ZNF254: variants seen among roughly 807,000 people sequenced by gnomAD.
ZNF254 encodes zinc finger protein 254.
Under a neutral mutation model 12.4 loss-of-function variants are expected in ZNF254, and 10 were observed. The ratio of observed to expected loss-of-function variants is 0.80; its 90% CI spans 0.50 to 1.36. The LOEUF is 1.36. Among genes scored for constraint, ZNF254 ranks in the 40% most tolerant of loss-of-function variants. The pLI is 0.00. For synonymous variants in ZNF254, 305 were observed against 253.4 expected (o/e 1.20, Z -1.93); for missense variants, 996 against 763.9 (o/e 1.30, Z -3.58).
chr19:24,082,775 C>T (rs1296479388), upstream of ZNF254, among the ~76,000 whole-genome samples: 1 of 151,652 alleles, frequency 6.6e-6, no homozygotes, highest in Non-Finnish European at 1.5e-5. Flanking sequence ...AGCTGTGTCA[C>T]AGGCCATTGT....
intron 1 of ZNF254, among the ~76,000 whole-genome samples, chr19:24,043,600 A>G (rs147692156): frequency 2.3e-3 from 352 of 152,298 alleles, no homozygotes; most frequent in African/African-American, 8.2e-3. Flanking sequence ...TTCAGTAACA[A>G]TAGCTCTTAA....
chr19:24,107,161 T>G, intron 3 of ZNF254: 1 of 596,688 alleles, frequency 1.7e-6, no homozygotes, highest in South Asian at 2.0e-5. Flanking sequence ...TTGTTCTTTT[T>G]CCTCAAGATT....
In ZNF254 at chr19:24,126,846, T is replaced by C. The variant is rs1454947189; in HGVS notation, c.846T>C (p.Thr282=). 6 of 1,613,216 alleles carry C rather than the reference T, an allele frequency of 3.7e-6. No individual in the cohort carries two copies. The highest frequency in any genetic ancestry group is 5.1e-6 in the Non-Finnish European group (6 of 1,179,722). The change falls in exon 4 of 4, where the codon ACT becomes ACC. Residue 282 remains threonine, a synonymous_variant. Coordinates refer to ENST00000357002, the MANE Select transcript of ZNF254 (RefSeq NM_203282.4). ...CTTTTAATCGATCCTCAAATCTTAC[T>C]ACACATAAGATAATTCATACTGGAG... ...GEAFNRSSNL[T]THKIIHTGEK...
intron 2 of ZNF254, among the ~76,000 whole-genome samples, chr19:24,072,242 G>A (rs1186170808): frequency 6.6e-6 from 1 of 151,604 alleles, no homozygotes; most frequent in Non-Finnish European, 1.5e-5. Flanking sequence ...CATGATCTCG[G>A]CTCACTGCAA....
At chr19:24,046,365 A>G (rs1970380472) in intron 2 of ZNF254, 3 of 114,654 alleles carry the variant, frequency 2.6e-5, no homozygotes, top group Non-Finnish European at 5.5e-5. Flanking sequence ...CCATTATTTT[A>G]TTATTTTTTA....
In ZNF254 at chr19:24,129,589, T is replaced by A. The variant is rs886706137; in HGVS notation, c.*1609T>A. 12 of 152,034 alleles carry A rather than the reference T, an allele frequency of 7.9e-5. No individual in the cohort carries two copies. Among genetic ancestry groups the A allele is most frequent in the African/African-American group, 2.7e-4 (11 of 41,442 alleles). The allele number at this position is 152,034 out of a possible 1,614,324, so 9.4% of individuals were successfully genotyped here. On this transcript the variant is annotated 3_prime_UTR_variant, in exon 4 of 4. Coordinates refer to ENST00000357002, the MANE Select transcript of ZNF254 (RefSeq NM_203282.4). ...TCTTAATTTTTGTGGATACATAATATGTGTATATATGTATGCCATATATGG... is the reference window on the plus strand; with the variant it reads ...TCTTAATTTTTGTGGATACATAATAAGTGTATATATGTATGCCATATATGG...
Position 24,052,616 on chromosome 19 carries a change from G to A in ZNF254, c.-94+6337G>A, listed in dbSNP as rs140157708. ...TCACTGGGCCTAGCATCCAGGTGAT[G>A]TGACTCTGCTGACTATATTCTGCTT... On this transcript the variant is annotated intron_variant, in intron 2 of 4. Coordinates refer to the ZNF254 transcript ENST00000613065. 2.0e-3 allele frequency among the ~76,000 whole-genome samples: 307 copies of A among 152,318 alleles called. 1 individual carries two copies. Among genetic ancestry groups the A allele is most frequent in the African/African-American group, 7.2e-3 (298 of 41,574 alleles).
chr19:24,092,191 G>A (rs914327947), intron 1 of ZNF254, among the ~76,000 whole-genome samples: 2 of 143,560 alleles, frequency 1.4e-5, no homozygotes, highest in African/African-American at 5.2e-5. Context: ...TTTTTAAATG[G>A]AATTTTGATG....
intron 2 of ZNF254, chr19:24,066,728 CAAAACAA>C (rs1971286992): frequency 1.1e-5 from 1 of 94,052 alleles, no homozygotes; most frequent in South Asian, 3.8e-4. Flanking sequence ...CAAAACAAAA[CAAAACAA>C]ATAAAACCAC....
intron 1 of ZNF254, among the ~76,000 whole-genome samples, chr19:24,044,608 T>A (rs1970308987): frequency 6.6e-6 from 1 of 152,190 alleles, no homozygotes; most frequent in African/African-American, 2.4e-5. Flanking sequence ...GATTCGTGTT[T>A]ATATTTTGTT....
chr19:24,128,342 A>G lies in ZNF254; in HGVS notation c.*362A>G, dbSNP rs1975040373. On this transcript the variant is annotated 3_prime_UTR_variant, in exon 4 of 4. Transcript: ENST00000357002. ...TTAACACCTGCTCACATCTTACTCA[A>G]AATTGTAGAGTTCATAGTAAATAAA... 1 of 188,018 alleles carries G rather than the reference A, an allele frequency of 5.3e-6. No individual in the cohort carries two copies. The highest frequency in any genetic ancestry group is 1.1e-5 in the Non-Finnish European group (1 of 92,720). The allele number at this position is 188,018 out of a possible 1,614,324, so 11.6% of individuals were successfully genotyped here. A position where few individuals can be genotyped will look rare whatever the true frequency, so the allele number is the denominator to read the frequency against.
intron 2 of ZNF254, among the ~76,000 whole-genome samples, chr19:24,057,155 T>G (rs1970889143): frequency 6.6e-6 from 1 of 152,232 alleles, no homozygotes; most frequent in South Asian, 2.1e-4. Context: ...CAGAGTGTCA[T>G]AACGGCTCTA....
intron 2 of ZNF254, among the ~76,000 whole-genome samples, chr19:24,074,623 T>C (rs1971595646): frequency 6.6e-6 from 1 of 152,200 alleles, no homozygotes. Context: ...GGGATTATTG[T>C]GGCATATCTC....
intron 1 of ZNF254, among the ~76,000 whole-genome samples, chr19:24,088,660 A>C (rs1009267168): frequency 5.9e-5 from 9 of 151,744 alleles, no homozygotes; most frequent in Non-Finnish European, 1.2e-4. Context: ...TATTTATTTT[A>C]ATTTTTGAGA....
At chr19:24,042,298 C>T (rs552437555) in intron 1 of ZNF254, among the ~76,000 whole-genome samples, 1 of 152,270 alleles carries the variant, frequency 6.6e-6, no homozygotes, top group African/African-American at 2.4e-5. Context: ...AGCGCCCTGA[C>T]AAAACAGGCC....
At chr19:24,105,375 A>G (rs957231762) in intron 1 of ZNF254, 25 of 236,200 alleles carry the variant, frequency 1.1e-4, no homozygotes, top group African/African-American at 5.7e-4. Flanking sequence ...AACAAAAAAC[A>G]AAAACAACAG....
In ZNF254 at chr19:24,112,352, G is replaced by A. The variant is rs1184293995; in HGVS notation, c.253+5709G>A. Among the ~76,000 whole-genome samples the A allele has an allele frequency of 2.1e-5, 3 of 142,842 alleles. No homozygotes were observed. The East Asian group carries it at 5.9e-4, about 28-fold the overall frequency. The allele number at this position is 142,842 out of a possible 152,430, so 93.7% of individuals were successfully genotyped here. On this transcript the variant is annotated intron_variant, in intron 3 of 3. Transcript: ENST00000357002. ...GTACCATGCTGTTTTGGTTACTGTA[G>A]CCTTGTAGTATAGTTTGAAGTCAGG...
rs1483275826 is a variant in ZNF254, at chr19:24,088,651, A to G, written c.30+1314A>G. Among the ~76,000 whole-genome samples the G allele has an allele frequency of 7.2e-5, 11 of 151,914 alleles. No homozygotes were observed. In the East Asian group the frequency reaches 1.9e-3, roughly 27 times the overall value. ...TACCTGTTTTAATTTTTATTTATTT[A>G]TTTATTTTAATTTTTGAGACAGAGG... is the stretch of plus-strand genomic sequence containing the variant. On this transcript the variant is annotated intron_variant, in intron 1 of 3. Transcript: ENST00000357002.
At chr19:24,095,175 A>G (rs1356881904) in intron 1 of ZNF254, among the ~76,000 whole-genome samples, 2 of 152,182 alleles carry the variant, frequency 1.3e-5, no homozygotes, top group African/African-American at 2.4e-5. Flanking sequence ...TTTTGTTTAT[A>G]TGATGAATCA....
Sources: gnomAD v4.1 joint callset for allele counts (sites outside exome capture counted in the v4.1 genomes callset) on GRCh38, gnomAD v4.1.1 for gene constraint, MANE v1.5 for transcripts, NCBI Gene and HGNC (gene_info 2026-07-23, HGNC 2026-07-21) for gene names.